The following ERCC4 variants were observed in gnomAD, a reference collection of about 807,000 sequenced individuals.
ERCC4 encodes the protein DNA repair endonuclease XPF.
A neutral mutation model predicts 76.9 loss-of-function variants in ERCC4; 65 were observed. That is an observed-to-expected ratio of 0.84 (90% CI 0.69 to 1.04). The LOEUF (loss-of-function observed/expected upper bound fraction) is 1.04. ERCC4 is among the 50% of genes least tolerant of loss of function. The pLI is 0.00. For synonymous variants in ERCC4, 463 were observed against 410.1 expected (o/e 1.13, Z -1.56); for missense variants, 1,214 against 1,128.2 (o/e 1.08, Z -1.09).
intron 2 of ERCC4, 112 bp from the exon 3 acceptor site, chr16:13,926,449 C>T: frequency 2.2e-6 from 2 of 897,366 alleles, no homozygotes; most frequent in Non-Finnish European, 3.7e-6. Context: ...GGCTATATGC[C>T]CAGTCTAGAA....
chr16:13,922,965 G>C (rs947805887), intron 2 of ERCC4, among the ~76,000 whole-genome samples: 42 of 152,216 alleles, frequency 2.8e-4, no homozygotes, highest in African/African-American at 9.6e-4. Context: ...AATCAGATTT[G>C]AAATGTTTAT....
chr16:13,940,000 C>T (rs2032381627), intron 9 of ERCC4, among the ~76,000 whole-genome samples: 1 of 152,168 alleles, frequency 6.6e-6, no homozygotes, highest in Admixed American at 6.5e-5. Flanking sequence ...TGTCAGGGTT[C>T]CCCAAGATCA....
rs1326609617 is a variant in ERCC4 at position 13,920,190 on chromosome 16, C to T, written c.25C>T (p.Arg9Trp). MESGQPAR[R>W]IAMAPLLEYE... ...CATGGAGTCAGGGCAGCCGGCTCGA[C>T]GGATTGCCATGGCGCCGCTGCTGGA... The change falls in exon 1 of 11, where the codon CGG becomes TGG. Residue 9 changes from arginine to tryptophan, a missense_variant. Coordinates refer to ENST00000311895, the MANE Select transcript of ERCC4 (RefSeq NM_005236.3). The T allele has an allele frequency of 2.5e-6, 4 of 1,606,406 alleles. No homozygotes were observed. Among genetic ancestry groups the T allele is most frequent in the East Asian group, 4.5e-5 (2 of 44,896 alleles).
intron 6 of ERCC4, chr16:13,933,110 A>G: frequency 2.7e-6 from 1 of 368,496 alleles, no homozygotes; most frequent in Non-Finnish European, 5.3e-6. Flanking sequence ...ATGTGCACTT[A>G]TCGTCTCAGC....
chr16:13,941,956 C>T (rs984261700), intron 9 of ERCC4, among the ~76,000 whole-genome samples: 13 of 152,154 alleles, frequency 8.5e-5, no homozygotes, highest in African/African-American at 7.2e-5. Flanking sequence ...CAGTGGCTCA[C>T]GCCTGTAATC....
chr16:13,930,734 T>C lies in ERCC4; in HGVS notation c.817T>C (p.Leu273=). 1.2e-6 allele frequency: 2 copies of C among 1,613,970 alleles called. No individual in the cohort carries two copies. The highest frequency in any genetic ancestry group is 1.1e-5 in the South Asian group (1 of 91,076). Residue 273 remains leucine, a synonymous_variant, in exon 5 of 11, where the codon TTG becomes CTG. Coordinates refer to ENST00000311895, the MANE Select transcript of ERCC4 (RefSeq NM_005236.3). The part of the protein sequence containing the change: ...DKTIRHYLDP[L]WHQLGAKTKS... The stretch of plus-strand genomic sequence containing the variant: ...GACAATCCGCCATTATCTGGATCCT[T>C]TGTGGCACCAGCTTGGAGCCAAGAC...
At position 13,935,752 on chromosome 16, in the gene ERCC4, T is replaced by A. The variant is rs1235957230; in HGVS notation, c.1811+9T>A. The A allele has an allele frequency of 1.3e-6, 2 of 1,587,282 alleles. No individual in the cohort carries two copies. Among genetic ancestry groups the A allele is most frequent in the Admixed American group, 3.3e-5 (2 of 59,986 alleles). On this transcript the variant is annotated intron_variant, in intron 8 of 10. Transcript: ENST00000311895. ...CCTGGGAAACCTCTGAGGCAAGTTA[T>A]AAAGAATCACAGCTTTCAGTTGCAC... is the stretch of plus-strand genomic sequence containing the variant.
At chr16:13,943,991 T>C (rs2032468139) in intron 9 of ERCC4, 1 of 152,398 alleles carries the variant, frequency 6.6e-6, no homozygotes, top group South Asian at 2.1e-4. Context: ...GTATAAGATA[T>C]GAGCCACCTT....
chr16:13,934,853 G>GA (rs372523340), intron 7 of ERCC4: 69 of 317,314 alleles, frequency 2.2e-4, no homozygotes, highest in African/African-American at 1.4e-3. Flanking sequence ...AGATCCTCTG[G>GA]AAAAAAATAT....
At position 13,951,239 on chromosome 16, in the gene ERCC4, C is replaced by G. The variant is rs376334296; in HGVS notation, c.*2892C>G. On this transcript the variant is annotated 3_prime_UTR_variant, in exon 11 of 11. Transcript: ENST00000311895. ...GTTGCAAAATTAATGTATTTATTTTCCAGCATAATTTTATTAACTTCACTT... is the reference window on the plus strand; with the variant it reads ...GTTGCAAAATTAATGTATTTATTTTGCAGCATAATTTTATTAACTTCACTT... 1.4e-3 allele frequency: 267 copies of G among 186,346 alleles called. 1 individual carries two copies. Among genetic ancestry groups the G allele is most frequent in the African/African-American group, 5.9e-3 (251 of 42,836 alleles). 11.5% of individuals were successfully genotyped at this position (186,346 alleles called of 1,614,324 possible).
chr16:13,947,973 C>G lies in ERCC4; in HGVS notation c.2377C>G (p.Leu793Val), dbSNP rs1200828246. ...TAGTTCCAAACTCACTCTTCTTACA[C>G]TTCACTTCCCCAGACTACGGATTCT... is the stretch of plus-strand genomic sequence containing the variant. ...DISSKLTLLT[L>V]HFPRLRILWC... Residue 793 changes from leucine to valine, a missense_variant, in exon 11 of 11, where the codon CTT becomes GTT. Coordinates refer to ENST00000311895, the MANE Select transcript of ERCC4 (RefSeq NM_005236.3). The G allele has an allele frequency of 6.2e-7, 1 of 1,614,180 alleles. No homozygotes were observed. The highest frequency in any genetic ancestry group is 2.2e-5 in the East Asian group (1 of 44,884).
intron 9 of ERCC4, 70 bp downstream of exon 9, chr16:13,937,928 A>G: frequency 1.0e-6 from 1 of 952,744 alleles, no homozygotes; most frequent in Non-Finnish European, 1.7e-6. Context: ...AATATCAGAT[A>G]GTCCTGCTCA....
At chr16:13,920,670 A>C (rs1223569675) in intron 1 of ERCC4, among the ~76,000 whole-genome samples, 1 of 152,034 alleles carries the variant, frequency 6.6e-6, no homozygotes, top group African/African-American at 2.4e-5. Flanking sequence ...GCAGGAGTTG[A>C]AGAACACTAA....
Position 13,939,721 on chromosome 16 carries a change from GT to G in ERCC4, c.1904+1864del, listed in dbSNP as rs1476814307. Among the ~76,000 whole-genome samples the G allele has an allele frequency of 2.6e-5, 4 of 152,270 alleles. No homozygotes were observed. In the East Asian group the frequency reaches 7.7e-4, roughly 29 times the overall value. ...GCATCAAGCTGAGGAGTGAGTGAGG[GT>G]GGAAACCAGTCAGAATGCTAGTGCA... On this transcript the variant is annotated intron_variant, in intron 9 of 10. Coordinates refer to ENST00000311895, the MANE Select transcript of ERCC4 (RefSeq NM_005236.3).
chr16:13,932,055 C>G, intron 5 of ERCC4, 102 bp from the exon 6 acceptor site: 1 of 985,616 alleles, frequency 1.0e-6, no homozygotes, highest in Non-Finnish European at 1.6e-6. Flanking sequence ...GGTAGGAAGA[C>G]AGGATGACAG....
chr16:13,920,440 G>C (rs572950864), intron 1 of ERCC4, 68 bp downstream of exon 1: 2 of 1,379,928 alleles, frequency 1.4e-6, no homozygotes, highest in African/African-American at 1.4e-5. Context: ...GCGGATGCGA[G>C]GCCTCTGACA....
At position 13,951,739 on chromosome 16, in the gene ERCC4, A is replaced by C. The variant is rs897086597; in HGVS notation, c.*3392A>C. The C allele has an allele frequency of 4.5e-6, 1 of 221,698 alleles. No individual in the cohort carries two copies. The highest frequency in any genetic ancestry group is 9.0e-6 in the Non-Finnish European group (1 of 110,904). 13.7% of individuals were successfully genotyped at this position (221,698 alleles called of 1,614,324 possible). A position where few individuals can be genotyped will look rare whatever the true frequency, so the allele number is the denominator to read the frequency against. ...AACCTACACTAAAGCAAATCCGAAG[A>C]AGTGGGGCAGGGGGAAAGAGGCATT... On this transcript the variant is annotated 3_prime_UTR_variant, in exon 11 of 11. Transcript: ENST00000311895.
intron 9 of ERCC4, among the ~76,000 whole-genome samples, chr16:13,940,012 C>T (rs2032382080): frequency 6.6e-6 from 1 of 152,194 alleles, no homozygotes; most frequent in Non-Finnish European, 1.5e-5. Context: ...CCAAGATCAT[C>T]CTCAGGCTCG....
rs2032104959 is a variant in ERCC4 at position 13,928,130 on chromosome 16, A to G, written c.687A>G (p.Ile229Met). 2 of 1,612,944 alleles carry G rather than the reference A, an allele frequency of 1.2e-6. No individual in the cohort carries two copies. Among genetic ancestry groups the G allele is most frequent in the Non-Finnish European group, 1.7e-6 (2 of 1,178,990 alleles). ...TPTMLAIQTA[I>M]LDILNACLKE... ...CCATGCTTGCTATACAGACTGCTAT[A>G]CTGGACATTTTAAATGCATGTCTAA... Residue 229 changes from isoleucine to methionine, a missense_variant, in exon 4 of 11, where the codon ATA (isoleucine) becomes ATG (methionine). Coordinates refer to ENST00000311895, the MANE Select transcript of ERCC4 (RefSeq NM_005236.3).
Sources: gnomAD v4.1 joint callset for allele counts (sites outside exome capture counted in the v4.1 genomes callset) on GRCh38, gnomAD v4.1.1 for gene constraint, MANE v1.5 for transcripts, NCBI Gene and HGNC (gene_info 2026-07-23, HGNC 2026-07-21) for gene names.